Variants in SORCS2 observed in about 807,000 individuals in gnomAD.
SORCS2 encodes the protein VPS10 domain-containing receptor SorCS2.
In SORCS2, 100 loss-of-function variants were observed where a neutral mutation model predicts 141.6. The ratio of observed to expected loss-of-function variants is 0.71; its 90% CI spans 0.60 to 0.83. The LOEUF is 0.83. Among genes scored for constraint, SORCS2 ranks in the 40% least tolerant of loss-of-function variants. The pLI, the probability that SORCS2 is intolerant of heterozygous loss-of-function variation, is 0.00. For missense variants in SORCS2, 1,646 were observed against 1,560.2 expected (o/e 1.05, Z -0.93); for synonymous variants, 789 against 676.9 (o/e 1.17, Z -2.57).
intron 4 of SORCS2, among the ~76,000 whole-genome samples, chr4:7,649,660 G>T (rs532948382): frequency 6.6e-6 from 1 of 152,072 alleles, no homozygotes; most frequent in South Asian, 2.1e-4. Context: ...GGGCTTGGAG[G>T]CTGGGTCAGG....
chr4:7,375,111 T>C (rs186269093), intron 1 of SORCS2, among the ~76,000 whole-genome samples: 68 of 152,266 alleles, frequency 4.5e-4, no homozygotes, highest in Admixed American at 1.8e-3. Context: ...GAGGCTGCCT[T>C]GTCTAACTCT....
chr4:7,208,324 C>G (rs1280205229), intron 1 of SORCS2, among the ~76,000 whole-genome samples: 3 of 152,152 alleles, frequency 2.0e-5, no homozygotes, highest in Non-Finnish European at 2.9e-5. Flanking sequence ...TTTCTACTTC[C>G]TATGGCATTT....
intron 25 of SORCS2, among the ~76,000 whole-genome samples, chr4:7,734,586 AC>A (rs1446065686): frequency 3.3e-5 from 5 of 151,988 alleles, no homozygotes; most frequent in Non-Finnish European, 7.4e-5. Flanking sequence ...GCCACTCGCA[AC>A]CCAGAGAGCA....
intron 2 of SORCS2, among the ~76,000 whole-genome samples, chr4:7,514,466 TTGTCAGGTA>T (rs201286557): frequency 0.014 from 2,048 of 151,484 alleles, 53 homozygotes; most frequent in African/African-American, 0.047. Context: ...TCCAGGCCTG[TTGTCAGGTA>T]GCGATATGTG....
At chr4:7,362,801 A>T (rs1385640850) in intron 1 of SORCS2, among the ~76,000 whole-genome samples, 1 of 151,770 alleles carries the variant, frequency 6.6e-6, no homozygotes, top group Admixed American at 6.6e-5. Context: ...TCATGCCATC[A>T]CCATCATTAC....
intron 2 of SORCS2, among the ~76,000 whole-genome samples, chr4:7,402,683 A>C (rs918085587): frequency 4.6e-5 from 7 of 152,042 alleles, no homozygotes; most frequent in Non-Finnish European, 8.8e-5. Flanking sequence ...TTCTCTACCT[A>C]TTGCCAGCTT....
At chr4:7,224,537 TG>T (rs1728889829) in intron 1 of SORCS2, among the ~76,000 whole-genome samples, 1 of 152,218 alleles carries the variant, frequency 6.6e-6, no homozygotes, top group African/African-American at 2.4e-5. Context: ...GGTCCATGGC[TG>T]GGGGAGTGTA....
intron 2 of SORCS2, among the ~76,000 whole-genome samples, chr4:7,441,704 ACCT>A (rs1262550741): frequency 1.0e-5 from 1 of 96,066 alleles, no homozygotes; most frequent in Non-Finnish European, 2.1e-5. Context: ...GTTGTCATCC[ACCT>A]CCTCCCCTAA....
chr4:7,634,396 A>C (rs1577872213), intron 3 of SORCS2, among the ~76,000 whole-genome samples: 1 of 150,050 alleles, frequency 6.7e-6, no homozygotes, highest in East Asian at 2.0e-4. Context: ...GAACCTAGGG[A>C]GGGAGGAGGA....
intron 1 of SORCS2, among the ~76,000 whole-genome samples, chr4:7,336,874 G>C (rs949047211): frequency 1.3e-5 from 2 of 152,154 alleles, no homozygotes; most frequent in Non-Finnish European, 2.9e-5. Flanking sequence ...GAAGGCCCTG[G>C]GTCTGAGTCC....
intron 1 of SORCS2, among the ~76,000 whole-genome samples, chr4:7,393,527 C>G (rs187158081): frequency 6.6e-6 from 1 of 152,306 alleles, no homozygotes; most frequent in African/African-American, 2.4e-5. Context: ...TGCCTGGGAT[C>G]AAATTCTAGC....
chr4:7,431,533 CAGAG>C (rs1165856447), intron 2 of SORCS2: 2 of 152,416 alleles, frequency 1.3e-5, no homozygotes, highest in Admixed American at 6.5e-5. Context: ...GGCAGGCAGA[CAGAG>C]AGCCTCTGGG....
intron 2 of SORCS2, chr4:7,434,354 G>C (rs371714450): frequency 1.9e-6 from 3 of 1,608,060 alleles, no homozygotes; most frequent in Non-Finnish European, 2.5e-6. Context: ...GGCGCCTGGC[G>C]GGGGTGGAAG....
chr4:7,266,478 C>T (rs1187783445), intron 1 of SORCS2, among the ~76,000 whole-genome samples: 1 of 152,172 alleles, frequency 6.6e-6, no homozygotes, highest in Non-Finnish European at 1.5e-5. Flanking sequence ...CTGAGCTTTC[C>T]CGGGATGTCT....
intron 1 of SORCS2, among the ~76,000 whole-genome samples, chr4:7,390,903 C>T (rs528153897): frequency 6.6e-6 from 1 of 152,218 alleles, no homozygotes; most frequent in African/African-American, 2.4e-5. Flanking sequence ...AAGGGAGCAA[C>T]TCCTCCAATT....
chr4:7,317,749 C>A (rs1210969996), intron 1 of SORCS2, among the ~76,000 whole-genome samples: 2 of 152,236 alleles, frequency 1.3e-5, no homozygotes, highest in African/African-American at 4.8e-5. Flanking sequence ...TCACCCATAT[C>A]ACTTCCAGGC....
intron 2 of SORCS2, among the ~76,000 whole-genome samples, chr4:7,488,663 G>A (rs189248798): frequency 7.2e-5 from 11 of 152,314 alleles, no homozygotes; most frequent in Admixed American, 3.9e-4. Flanking sequence ...GGAAATGGGG[G>A]ATCCATGAGG....
At chr4:7,675,893 G>A (rs1723070859) in intron 8 of SORCS2, among the ~76,000 whole-genome samples, 157 bp from the exon 9 acceptor site, 1 of 152,188 alleles carries the variant, frequency 6.6e-6, no homozygotes, top group African/African-American at 2.4e-5. Flanking sequence ...AGGCCACAGA[G>A]CCCAGAGCAG....
At chr4:7,685,165 A>C (rs917362618) in intron 10 of SORCS2, among the ~76,000 whole-genome samples, 1 of 152,252 alleles carries the variant, frequency 6.6e-6, no homozygotes, top group Admixed American at 6.5e-5. Flanking sequence ...TAATCTGTCA[A>C]AGCAAGTTTT....
Sources: allele counts gnomAD v4.1 joint callset (sites outside exome capture counted in the v4.1 genomes callset), GRCh38; gene constraint gnomAD v4.1.1; transcripts MANE v1.5; gene names NCBI Gene and HGNC (gene_info 2026-07-23, HGNC 2026-07-21).